Variants in RNF115 observed in about 807,000 individuals in gnomAD.
RNF115 encodes the protein E3 ubiquitin-protein ligase RNF115.
Under a neutral mutation model 39.2 loss-of-function variants are expected in RNF115, and 31 were observed. That is an observed-to-expected ratio of 0.79 (90% CI 0.59 to 1.07). The LOEUF is 1.07. Ranked by LOEUF, RNF115 falls within the 50% of genes least tolerant of loss-of-function variation. The probability of loss-of-function intolerance (pLI) is 0.00; values close to 1 mark genes in which losing one functional copy is unlikely to be tolerated. For synonymous variants in RNF115, 124 were observed against 131.0 expected (o/e 0.95, Z 0.37); for missense variants, 384 against 381.7 (o/e 1.01, Z -0.05).
intron 4 of RNF115, among the ~76,000 whole-genome samples, chr1:145,761,534 T>C (rs935173947): frequency 1.3e-5 from 2 of 152,200 alleles, no homozygotes; most frequent in Non-Finnish European, 2.9e-5. Flanking sequence ...GCAGCGTCCA[T>C]GTGGTGCTGA....
At chr1:145,760,255 C>T (rs1658448452) in intron 4 of RNF115, among the ~76,000 whole-genome samples, 1 of 151,946 alleles carries the variant, frequency 6.6e-6, no homozygotes. Context: ...CCCATCTCTA[C>T]AAAAAAAATT....
intron 3 of RNF115, among the ~76,000 whole-genome samples, chr1:145,775,288 TATAAC>T (rs1333346547): frequency 1.3e-5 from 2 of 152,148 alleles, no homozygotes; most frequent in Non-Finnish European, 2.9e-5. Context: ...ATTTATAACT[TATAAC>T]TTAATTTATA....
At position 145,750,258 on chromosome 1, in the gene RNF115, G is replaced by T. The variant is rs1658024891; in HGVS notation, c.667+149C>A. 6 of 647,834 alleles carry T rather than the reference G, an allele frequency of 9.3e-6. No individual in the cohort carries two copies. In the Admixed American group the frequency reaches 1.8e-4, roughly 19 times the overall value. The allele number at this position is 647,834 out of a possible 1,614,324, so 40.1% of individuals were successfully genotyped here. On this transcript the variant is annotated intron_variant, in intron 7 of 8. Coordinates refer to ENST00000582693, the MANE Select transcript of RNF115 (RefSeq NM_014455.4). The stretch of plus-strand genomic sequence containing the variant: ...TAGAGGGCTATAGCTTCACTTAAAG[G>T]TCCTTAATATAGGAAGGTATTGGGA...
At chr1:145,787,586 AAAAAAG>A (rs1275772114) in intron 2 of RNF115, among the ~76,000 whole-genome samples, 2 of 150,948 alleles carry the variant, frequency 1.3e-5, no homozygotes, top group Non-Finnish European at 3.0e-5. Context: ...AAAAAAAAAA[AAAAAAG>A]AAAAAGATTT....
At chr1:145,800,594 C>G (rs1290393513) in intron 1 of RNF115, among the ~76,000 whole-genome samples, 2 of 152,174 alleles carry the variant, frequency 1.3e-5, no homozygotes, top group Admixed American at 6.6e-5. Context: ...TTAGACTACT[C>G]TGCTGGATAA....
rs2101437764 is a variant in RNF115 at position 145,743,733 on chromosome 1, A to G, written c.*3133T>C. ...GAGGTGGAGGTTGCAGTGAGCTGAG[A>G]TTGCACCACTGCACTCCAGCCTAGG... is the stretch of plus-strand genomic sequence containing the variant. On this transcript the variant is annotated 3_prime_UTR_variant, in exon 9 of 9. Coordinates refer to ENST00000582693, the MANE Select transcript of RNF115 (RefSeq NM_014455.4). The G allele has an allele frequency of 6.6e-6, 1 of 151,694 alleles. No homozygotes were observed. The highest frequency in any genetic ancestry group is 2.1e-4 in the South Asian group (1 of 4,804). The allele number at this position is 151,694 out of a possible 1,614,324, so 9.4% of individuals were successfully genotyped here. A position where few individuals can be genotyped will look rare whatever the true frequency, so the allele number is the denominator to read the frequency against.
intron 3 of RNF115, among the ~76,000 whole-genome samples, chr1:145,780,071 T>C (rs1353762305): frequency 6.6e-6 from 1 of 151,358 alleles, no homozygotes; most frequent in Non-Finnish European, 1.5e-5. Context: ...CTACCAAAAA[T>C]ACAAAAATTA....
chr1:145,760,044 T>C (rs1461367539), intron 4 of RNF115, among the ~76,000 whole-genome samples: 1 of 152,214 alleles, frequency 6.6e-6, no homozygotes, highest in African/African-American at 2.4e-5. Flanking sequence ...CCATTAGTAC[T>C]TAAGCTCCAC....
At chr1:145,795,718 T>C (rs923305679) in intron 1 of RNF115, among the ~76,000 whole-genome samples, 2 of 152,224 alleles carry the variant, frequency 1.3e-5, no homozygotes, top group South Asian at 2.1e-4. Flanking sequence ...AAGTGCTCTA[T>C]GGTTCTTCCT....
At chr1:145,778,478 TATATG>T (rs1257328708) in intron 3 of RNF115, among the ~76,000 whole-genome samples, 1 of 152,192 alleles carries the variant, frequency 6.6e-6, no homozygotes, top group Admixed American at 6.5e-5. Flanking sequence ...AATTACGTAG[TATATG>T]AATTATATCT....
chr1:145,772,195 G>A, intron 3 of RNF115: 1 of 272,374 alleles, frequency 3.7e-6, no homozygotes, highest in East Asian at 6.9e-5. Flanking sequence ...CCACATCCTG[G>A]CAAGCACTTG....
chr1:145,782,059 T>G (rs1026837131), intron 3 of RNF115, among the ~76,000 whole-genome samples: 9 of 151,856 alleles, frequency 5.9e-5, no homozygotes, highest in Non-Finnish European at 1.0e-4. Context: ...CCCACCACCA[T>G]GCCTGGCTAA....
In RNF115 at chr1:145,742,843, G is replaced by A. The variant is rs587675196; in HGVS notation, c.*4023C>T. ...CTTCTAACTTGAGAACCAATTCCTG[G>A]ACCAATTCCTGCTCAAAGAAAACAT... On this transcript the variant is annotated 3_prime_UTR_variant, in exon 9 of 9. Transcript: ENST00000582693. 2 of 152,052 alleles carry A rather than the reference G, an allele frequency of 1.3e-5. No individual in the cohort carries two copies. The highest frequency in any genetic ancestry group is 2.9e-5 in the Non-Finnish European group (2 of 68,018). 9.4% of individuals were successfully genotyped at this position (152,052 alleles called of 1,614,324 possible).
intron 4 of RNF115, among the ~76,000 whole-genome samples, chr1:145,755,014 G>A (rs1055914145): frequency 9.9e-5 from 15 of 152,066 alleles, no homozygotes; most frequent in African/African-American, 3.4e-4. Context: ...GGGAGGCTGA[G>A]GTGGGTGGAT....
chr1:145,771,198 A>G (rs1383160357), intron 4 of RNF115, among the ~76,000 whole-genome samples: 1 of 152,238 alleles, frequency 6.6e-6, no homozygotes, highest in Non-Finnish European at 1.5e-5. Flanking sequence ...TGAGTGGATT[A>G]AATGCCTTTA....
intron 1 of RNF115, among the ~76,000 whole-genome samples, chr1:145,794,204 CAAA>C (rs1349900322): frequency 6.6e-6 from 1 of 152,090 alleles, no homozygotes; most frequent in Non-Finnish European, 1.5e-5. Flanking sequence ...AATCTGAAAT[CAAA>C]AAAGAACCAT....
intron 3 of RNF115, chr1:145,773,193 T>C (rs1236774597): frequency 6.6e-6 from 1 of 152,238 alleles, no homozygotes. Flanking sequence ...CTAGTAATTC[T>C]AGTATTAGTG....
At chr1:145,789,700 C>T (rs1217985443) in intron 1 of RNF115, among the ~76,000 whole-genome samples, 1 of 86,764 alleles carries the variant, frequency 1.2e-5, no homozygotes, top group Non-Finnish European at 2.1e-5. Flanking sequence ...ACCCGGACTT[C>T]TTTTTTTTTT....
intron 3 of RNF115, among the ~76,000 whole-genome samples, chr1:145,776,093 G>GGT (rs1434673046): frequency 1.3e-5 from 2 of 150,562 alleles, no homozygotes; most frequent in African/African-American, 4.9e-5. Context: ...CAGGGTAAGG[G>GGT]GGGGGCTACT....
Sources: allele counts gnomAD v4.1 joint callset (sites outside exome capture counted in the v4.1 genomes callset), GRCh38; gene constraint gnomAD v4.1.1; transcripts MANE v1.5; gene names NCBI Gene and HGNC (gene_info 2026-07-23, HGNC 2026-07-21).